Variants in TRIM66 observed in about 807,000 individuals in gnomAD.
TRIM66 encodes tripartite motif containing 66, also known as tripartite motif-containing protein 66.
Under a neutral mutation model 148.2 loss-of-function variants are expected in TRIM66, and 99 were observed. That is an observed-to-expected ratio of 0.67 (90% CI 0.57 to 0.79). TRIM66 has a LOEUF of 0.79. Ranked by LOEUF, TRIM66 falls within the 30% of genes least tolerant of loss-of-function variation. TRIM66 has a pLI of 0.00. For synonymous variants in TRIM66, 616 were observed against 635.9 expected, an observed-to-expected ratio of 0.97 and a Z score of 0.47; for missense variants, 1,666 against 1,697.9, an observed-to-expected ratio of 0.98 and a Z score of 0.33.
rs1051365674 is a variant in TRIM66 at position 8,665,586 on chromosome 11, A to T, written c.340+6200T>A. 3.9e-5 allele frequency among the ~76,000 whole-genome samples: 6 copies of T among 152,200 alleles called. 1 individual carries two copies. Among genetic ancestry groups the T allele is most frequent in the African/African-American group, 1.4e-4 (6 of 41,442 alleles). ...TACAGCCTGGTACACAGTAGTCAAT[A>T]AATATCCATGGGGGAGAGACAGACA... On this transcript the variant is annotated intron_variant, in intron 6 of 24. Transcript: ENST00000646038.
Position 8,641,160 on chromosome 11 carries a change from T to G in TRIM66, c.1223-8A>C. ...CTTCAGTAGTTATGCAGCCTGAAAA[T>G]GCAGAATAGAGAGTTTTTCAAAAGT... is the stretch of plus-strand genomic sequence containing the variant. On this transcript the variant is annotated splice_region_variant and splice_polypyrimidine_tract_variant and intron_variant, in intron 13 of 24. Coordinates refer to ENST00000646038, the MANE Select transcript of TRIM66 (RefSeq NM_001388022.1). The G allele has an allele frequency of 6.5e-7, 1 of 1,544,416 alleles. No homozygotes were observed. Among genetic ancestry groups the G allele is most frequent in the Non-Finnish European group, 8.8e-7 (1 of 1,142,102 alleles).
chr11:8,626,616 G>C (rs2034868862), intron 15 of TRIM66, among the ~76,000 whole-genome samples: 1 of 152,118 alleles, frequency 6.6e-6, no homozygotes, highest in Non-Finnish European at 1.5e-5. Context: ...TGGTGCCCTA[G>C]CCTAACCTAC....
chr11:8,624,661 T>C, intron 16 of TRIM66, 52 bp downstream of exon 16: 1 of 1,475,988 alleles, frequency 6.8e-7, no homozygotes, highest in South Asian at 1.4e-5. Flanking sequence ...TGGCCAATCT[T>C]TTGCCCAATG....
intron 1 of TRIM66, chr11:8,680,759 T>C (rs1449206449): frequency 6.6e-6 from 1 of 152,180 alleles, no homozygotes; most frequent in East Asian, 1.9e-4. Flanking sequence ...AAGAAGACCA[T>C]GTACTGTGAA....
chr11:8,624,239 CAG>C, intron 17 of TRIM66, 118 bp downstream of exon 17: 1 of 1,151,364 alleles, frequency 8.7e-7, no homozygotes, highest in Non-Finnish European at 1.2e-6. Flanking sequence ...AATTCAGCCT[CAG>C]AGAGATGCAC....
At position 8,617,842 on chromosome 11, in the gene TRIM66, C is replaced by T; in HGVS notation, c.*102G>A. ...GAGCACTACACAGTTCAACAAGACT[C>T]ATCTACCATCCACACTCTGAAGAGG... On this transcript the variant is annotated 3_prime_UTR_variant, in exon 25 of 25. Coordinates refer to ENST00000646038, the MANE Select transcript of TRIM66 (RefSeq NM_001388022.1). 1.8e-6 allele frequency: 2 copies of T among 1,142,560 alleles called. No individual in the cohort carries two copies. The highest frequency in any genetic ancestry group is 1.3e-6 in the Non-Finnish European group (1 of 778,066). 70.8% of individuals were successfully genotyped at this position (1,142,560 alleles called of 1,614,324 possible).
intron 6 of TRIM66, among the ~76,000 whole-genome samples, chr11:8,653,462 C>T (rs1181187385): frequency 6.6e-6 from 1 of 152,104 alleles, no homozygotes; most frequent in East Asian, 1.9e-4. Context: ...GATGAGAGAT[C>T]ATGCAGAGAA....
chr11:8,627,586 T>G (rs1248043589), intron 15 of TRIM66, among the ~76,000 whole-genome samples: 1 of 152,224 alleles, frequency 6.6e-6, no homozygotes, highest in Admixed American at 6.5e-5. Context: ...TTATTATTGT[T>G]GCTGCAGACC....
In TRIM66 at chr11:8,645,705, C is replaced by T. The variant is rs893437413; in HGVS notation, c.1104+36G>A. The T allele has an allele frequency of 9.7e-6, 15 of 1,550,560 alleles. No individual in the cohort carries two copies. In the African/African-American group the frequency reaches 2.1e-4, roughly 21 times the overall value. On this transcript the variant is annotated intron_variant, in intron 12 of 24. Transcript: ENST00000646038. ...ACAAAGGGGATGCTCTGATAAGCTT[C>T]AAGGACAGGCTGAGGAGTTGGGAGA...
At chr11:8,624,057 T>A (rs2141874383) in intron 17 of TRIM66, among the ~76,000 whole-genome samples, 1 of 152,312 alleles carries the variant, frequency 6.6e-6, no homozygotes, top group East Asian at 1.9e-4. Context: ...TTGTCAAGGC[T>A]AGCCCTCCTG....
rs770144853 is a variant in TRIM66, at chr11:8,649,830, G to A, written c.502C>T (p.Arg168Cys). Residue 168 changes from arginine to cysteine, a missense_variant, in exon 8 of 25, where the codon CGC (arginine) becomes TGC (cysteine). Arg to Cys is a radical substitution (Grantham distance 180). Around this residue, in one of 3 missense-constraint regions of TRIM66, gnomAD observed 1,431 missense variants for 1,412.4 expected, o/e 1.01. Transcript: ENST00000646038. ...TCTGTGCAAGAGCTGCACAGCCAGC[G>A]ATTGCAGTAGGTGCAGAGGATATGT... ...AAHILCTYCN[R>C]WLCSSCTEEH... 2.4e-5 allele frequency: 37 copies of A among 1,551,556 alleles called. No homozygotes were observed. The highest frequency in any genetic ancestry group is 4.1e-5 in the African/African-American group (3 of 73,032).
Position 8,651,912 on chromosome 11 carries a change from G to C in TRIM66, c.341-9C>G. ...AGGACAGGAGATGAGCTCTGTGCAA[G>C]AAAGAAAGATAGCAGAGTCAGGGCA... On this transcript the variant is annotated splice_polypyrimidine_tract_variant and intron_variant, in intron 6 of 24. Transcript: ENST00000646038. 1.3e-6 allele frequency: 2 copies of C among 1,546,436 alleles called. No homozygotes were observed. Among genetic ancestry groups the C allele is most frequent in the Non-Finnish European group, 1.7e-6 (2 of 1,143,086 alleles).
intron 5 of TRIM66, 50 bp downstream of exon 5, chr11:8,672,198 C>T (rs2038970650): frequency 1.3e-6 from 2 of 1,535,852 alleles, no homozygotes; most frequent in Non-Finnish European, 8.7e-7. Context: ...AAGTCCAGGC[C>T]ATGTTCCTCT....
chr11:8,640,602 G>C lies in TRIM66; in HGVS notation c.1773C>G (p.Leu591=), dbSNP rs2036291117. The C allele has an allele frequency of 1.3e-6, 2 of 1,551,400 alleles. No homozygotes were observed. The highest frequency in any genetic ancestry group is 1.7e-6 in the Non-Finnish European group (2 of 1,146,976). The change falls in exon 14 of 25, where the codon CTC becomes CTG. Residue 591 remains leucine (L), a synonymous_variant. Coordinates refer to ENST00000646038, the MANE Select transcript of TRIM66 (RefSeq NM_001388022.1). ...GCTGTGGCTGCTGCTGAAAGTGACTGAGCTTCAGCTTCTGGTGGTGGCCAA... is the reference window on the plus strand; with the variant it reads ...GCTGTGGCTGCTGCTGAAAGTGACTCAGCTTCAGCTTCTGGTGGTGGCCAA... ...VQFGHHQKLK[L]SHFQQQPQQQ... is the part of the protein sequence containing the mutation.
At position 8,621,279 on chromosome 11, in the gene TRIM66, G is replaced by A; in HGVS notation, c.3298C>T (p.Leu1100=). The change falls in exon 20 of 25, where the codon CTG becomes TTG. Residue 1100 remains leucine, a synonymous_variant. Coordinates refer to ENST00000646038, the MANE Select transcript of TRIM66 (RefSeq NM_001388022.1). ...RLSEATQAPG[L]EGRKVTVTSL... is the part of the protein sequence containing the mutation. Reference sequence around the variant, plus strand: ...GTGACAGTGACCTTTCTTCCCTCCAGACCTGGGGCCTGGGTGGCCTCAGAC... The same window carrying A: ...GTGACAGTGACCTTTCTTCCCTCCAAACCTGGGGCCTGGGTGGCCTCAGAC... 6.4e-7 allele frequency: 1 copy of A among 1,551,672 alleles called. No individual in the cohort carries two copies. The highest frequency in any genetic ancestry group is 8.7e-7 in the Non-Finnish European group (1 of 1,146,996).
At chr11:8,675,885 T>C (rs960152102) in intron 3 of TRIM66, among the ~76,000 whole-genome samples, 3 of 152,260 alleles carry the variant, frequency 2.0e-5, no homozygotes, top group Non-Finnish European at 2.9e-5. Context: ...ATTACAGGCA[T>C]GCACCACTAC....
At chr11:8,664,394 G>A (rs968973043) in intron 6 of TRIM66, among the ~76,000 whole-genome samples, 4 of 152,134 alleles carry the variant, frequency 2.6e-5, no homozygotes, top group Non-Finnish European at 4.4e-5. Context: ...GACTCTCCCC[G>A]TGAGCAAAGT....
intron 6 of TRIM66, chr11:8,658,911 G>A (rs771302749): frequency 1.2e-5 from 7 of 575,070 alleles, no homozygotes; most frequent in South Asian, 7.6e-5. Flanking sequence ...TTGCCATAGT[G>A]ACCAATTGTC....
intron 6 of TRIM66, among the ~76,000 whole-genome samples, chr11:8,659,446 G>A (rs746549080): frequency 2.6e-5 from 4 of 152,192 alleles, no homozygotes; most frequent in Non-Finnish European, 5.9e-5. Flanking sequence ...TGGGGCTAGT[G>A]GTGGTGTGTG....
Sources: allele counts gnomAD v4.1 joint callset (sites outside exome capture counted in the v4.1 genomes callset), GRCh38; gene constraint gnomAD v4.1.1; regional missense constraint gnomAD v4.1.1; transcripts MANE v1.5; gene names NCBI Gene and HGNC (gene_info 2026-07-23, HGNC 2026-07-21).